The following ASAH2 variants were observed in gnomAD, a reference collection of about 807,000 sequenced individuals.
ASAH2 encodes neutral ceramidase.
A neutral mutation model predicts 82.9 loss-of-function variants in ASAH2; 58 were observed. The ratio of observed to expected loss-of-function variants is 0.70; its 90% CI spans 0.57 to 0.87. ASAH2 has a LOEUF of 0.87. ASAH2 is among the 40% of genes least tolerant of loss of function. ASAH2 has a pLI of 0.00. For missense variants in ASAH2, 779 were observed against 834.0 expected (o/e 0.93, Z 0.81); for synonymous variants, 276 against 289.7 (o/e 0.95, Z 0.48).
chr10:50,223,485 G>T (rs1291589727), intron 7 of ASAH2, among the ~76,000 whole-genome samples: 2 of 152,112 alleles, frequency 1.3e-5, no homozygotes, highest in South Asian at 2.1e-4. Context: ...AAGGTTCTAC[G>T]TGCTAGCATG....
chr10:50,205,004 T>C (rs1004394835), intron 13 of ASAH2, 49 bp from the exon 14 acceptor site: 1 of 1,320,856 alleles, frequency 7.6e-7, no homozygotes, highest in Middle Eastern at 1.9e-4. Context: ...ACTCTCTCTA[T>C]GGTCAACAGA....
At chr10:50,194,982 G>T (rs1407633258) in intron 18 of ASAH2, among the ~76,000 whole-genome samples, 1 of 150,284 alleles carries the variant, frequency 6.7e-6, no homozygotes, top group African/African-American at 2.4e-5. Flanking sequence ...TGGTGTAGGC[G>T]ATGTTTTTTT....
At position 50,214,887 on chromosome 10, in the gene ASAH2, A is replaced by C; in HGVS notation, c.1015-19T>G. 2 of 1,613,190 alleles carry C rather than the reference A, an allele frequency of 1.2e-6. No homozygotes were observed. The highest frequency in any genetic ancestry group is 1.7e-5 in the Admixed American group (1 of 59,930). On this transcript the variant is annotated intron_variant, in intron 8 of 20. Transcript: ENST00000682911. ...ATGGCCCCTGCCAAAAGAAATGCCA[A>C]GTTGCCTTTTATTCTTTCCTATTTC...
At chr10:50,240,156 C>T (rs1465837096) in intron 4 of ASAH2, among the ~76,000 whole-genome samples, 3 of 152,120 alleles carry the variant, frequency 2.0e-5, no homozygotes, top group African/African-American at 7.2e-5. Flanking sequence ...TATCCCACCA[C>T]CACGTAGTCT....
At chr10:50,226,303 G>A (rs918604515) in intron 7 of ASAH2, among the ~76,000 whole-genome samples, 11 of 152,118 alleles carry the variant, frequency 7.2e-5, no homozygotes, top group African/African-American at 2.7e-4. Flanking sequence ...TTAACAAACT[G>A]TAAATATAAT....
At chr10:50,217,057 G>A (rs1267520218) in intron 8 of ASAH2, among the ~76,000 whole-genome samples, 5 of 152,098 alleles carry the variant, frequency 3.3e-5, no homozygotes, top group Non-Finnish European at 7.4e-5. Flanking sequence ...CTCCTGAATA[G>A]AATAATGCCC....
At chr10:50,215,004 T>C (rs1328319845) in intron 8 of ASAH2, 136 bp from the exon 9 acceptor site, 11 of 1,145,458 alleles carry the variant, frequency 9.6e-6, no homozygotes, top group Middle Eastern at 2.4e-4. Flanking sequence ...GGATATAAAA[T>C]ATTCTGTAGG....
rs747036724 is a variant in ASAH2, at chr10:50,245,465, A to G, written c.128-11T>C. 1 of 1,603,136 alleles carries G rather than the reference A, an allele frequency of 6.2e-7. No individual in the cohort carries two copies. Among genetic ancestry groups the G allele is most frequent in the Non-Finnish European group, 8.5e-7 (1 of 1,173,312 alleles). ...AATGGCCTCCTAAATCTAAAACAGAATAAGAGATTTGAGAAACAACATTTC... is the reference window on the plus strand; with the variant it reads ...AATGGCCTCCTAAATCTAAAACAGAGTAAGAGATTTGAGAAACAACATTTC... On this transcript the variant is annotated splice_polypyrimidine_tract_variant and intron_variant, in intron 2 of 20. Transcript: ENST00000682911.
Position 50,218,560 on chromosome 10 carries a change from C to T in ASAH2, c.964G>A (p.Ala322Thr). The T allele has an allele frequency of 6.2e-7, 1 of 1,613,684 alleles. No individual in the cohort carries two copies. The highest frequency in any genetic ancestry group is 8.5e-7 in the Non-Finnish European group (1 of 1,179,748). Reference protein sequence around the residue: ...HLVNSDNVGYASYLLEQEKNK... With the variant: ...HLVNSDNVGYTSYLLEQEKNK... ...TTCTCTTGCTCAAGCAGGTAAGATG[C>T]ATAGCCCACATTGTCACTGTTTACA... The change falls in exon 8 of 21, where the codon GCA becomes ACA. Residue 322 changes from alanine (A) to threonine (T), a missense_variant. Around this residue, in one of 3 missense-constraint regions of ASAH2, gnomAD observed 759 missense variants for 755.2 expected, o/e 1.00. Coordinates refer to ENST00000682911, the MANE Select transcript of ASAH2 (RefSeq NM_019893.4).
intron 15 of ASAH2, 59 bp downstream of exon 15, chr10:50,203,581 T>TCATATGGTGAAGAGGG: frequency 7.4e-7 from 1 of 1,345,054 alleles, no homozygotes; most frequent in Non-Finnish European, 1.1e-6. Flanking sequence ...AGGGATAGGA[T>TCATATGGTGAAGAGGG]ATACTTTCCT....
At chr10:50,199,587 C>T (rs1845085928) in intron 16 of ASAH2, among the ~76,000 whole-genome samples, 2 of 149,426 alleles carry the variant, frequency 1.3e-5, no homozygotes, top group Non-Finnish European at 3.0e-5. Context: ...TGAAATTGAG[C>T]CAAATGCATC....
intron 4 of ASAH2, among the ~76,000 whole-genome samples, chr10:50,241,398 C>T (rs1846290452): frequency 6.6e-6 from 1 of 152,094 alleles, no homozygotes; most frequent in South Asian, 2.1e-4. Context: ...ATTTCATAGT[C>T]CTTCCTTCTA....
At chr10:50,235,434 G>T (rs1433857094) in intron 5 of ASAH2, among the ~76,000 whole-genome samples, 3 of 152,062 alleles carry the variant, frequency 2.0e-5, no homozygotes, top group Non-Finnish European at 2.9e-5. Context: ...CACCACGGAG[G>T]TCTGTATCTA....
chr10:50,242,299 G>C (rs571852796), intron 4 of ASAH2, among the ~76,000 whole-genome samples: 10 of 152,322 alleles, frequency 6.6e-5, no homozygotes, highest in African/African-American at 2.4e-4. Flanking sequence ...TCCTCCCCAA[G>C]AGGGAGCAAT....
At chr10:50,243,689 T>C (rs1379752849) in intron 3 of ASAH2, among the ~76,000 whole-genome samples, 1 of 152,210 alleles carries the variant, frequency 6.6e-6, no homozygotes, top group Non-Finnish European at 1.5e-5. Flanking sequence ...GAGATCTTTC[T>C]GGCCTTTCTG....
intron 8 of ASAH2, among the ~76,000 whole-genome samples, chr10:50,215,100 GTTGCTA>G (rs1845559094): frequency 1.3e-5 from 2 of 152,208 alleles, no homozygotes. Flanking sequence ...GTTGGCTTTT[GTTGCTA>G]TTGCTTTTGG....
At chr10:50,218,100 G>A (rs1845654113) in intron 8 of ASAH2, among the ~76,000 whole-genome samples, 1 of 150,670 alleles carries the variant, frequency 6.6e-6, no homozygotes, top group East Asian at 2.0e-4. Flanking sequence ...CTCCAGCTTG[G>A]GTGATAGAGT....
Position 50,243,206 on chromosome 10 carries a change from A to C in ASAH2, c.506T>G (p.Leu169Arg). Reference sequence around the variant, plus strand: ...TTCTCCTCTCAAATCACTTACCTCCAGCCTGAGCCTTTGTGATACCATGCC... The same window carrying C: ...TTCTCCTCTCAAATCACTTACCTCCCGCCTGAGCCTTTGTGATACCATGCC... ...DIGMVSQRLR[L>R]EVLNRLQSKY... is the part of the protein sequence containing the mutation. The change falls in exon 4 of 21, where the codon CTG (leucine) becomes CGG (arginine). Residue 169 changes from leucine to arginine, a missense_variant. Coordinates refer to ENST00000682911, the MANE Select transcript of ASAH2 (RefSeq NM_019893.4). The C allele has an allele frequency of 6.2e-7, 1 of 1,614,024 alleles. No homozygotes were observed. Among genetic ancestry groups the C allele is most frequent in the Non-Finnish European group, 8.5e-7 (1 of 1,179,944 alleles).
At chr10:50,201,115 T>C (rs1221833682) in intron 16 of ASAH2, among the ~76,000 whole-genome samples, 3 of 151,834 alleles carry the variant, frequency 2.0e-5, no homozygotes, top group Non-Finnish European at 4.4e-5. Context: ...GGAGAAGAGA[T>C]TGGCCACTGG....
Sources: allele counts gnomAD v4.1 joint callset (sites outside exome capture counted in the v4.1 genomes callset), GRCh38; gene constraint gnomAD v4.1.1; regional missense constraint gnomAD v4.1.1; transcripts MANE v1.5; gene names NCBI Gene and HGNC (gene_info 2026-07-23, HGNC 2026-07-21).